Variants in ITSN1 observed in about 807,000 individuals in gnomAD.
ITSN1 encodes intersectin 1.
In ITSN1, 58 loss-of-function variants were observed where a neutral mutation model predicts 239.8. That is an observed-to-expected ratio of 0.24 (90% CI 0.20 to 0.30). ITSN1 has a LOEUF of 0.30. Ranked by LOEUF, ITSN1 falls within the 10% of genes least tolerant of loss-of-function variation. The probability of loss-of-function intolerance (pLI) is 1.00; values close to 1 mark genes in which losing one functional copy is unlikely to be tolerated. For synonymous variants in ITSN1, 780 were observed against 770.8 expected (o/e 1.01, Z -0.20); for missense variants, 1,558 against 2,103.3 (o/e 0.74, Z 5.07).
At chr21:33,868,482 C>T (rs943879635) in intron 33 of ITSN1, among the ~76,000 whole-genome samples, 60 of 152,348 alleles carry the variant, frequency 3.9e-4, no homozygotes, top group Admixed American at 1.2e-3. Flanking sequence ...AGCTAAGGCC[C>T]GCTGAGAAAT....
chr21:33,815,930 G>C (rs1260975685), intron 22 of ITSN1, among the ~76,000 whole-genome samples: 1 of 152,136 alleles, frequency 6.6e-6, no homozygotes. Context: ...GCTCATGCCT[G>C]TTATCGCAGC....
chr21:33,709,628 T>C (rs978145555), intron 1 of ITSN1, among the ~76,000 whole-genome samples: 5 of 152,214 alleles, frequency 3.3e-5, no homozygotes, highest in African/African-American at 1.2e-4. Flanking sequence ...ATTTTGATGC[T>C]ACTGTAAAAC....
At chr21:33,806,415 C>T (rs1417640588) in intron 20 of ITSN1, among the ~76,000 whole-genome samples, 1 of 152,220 alleles carries the variant, frequency 6.6e-6, no homozygotes, top group Non-Finnish European at 1.5e-5. Context: ...GGAATTTCTG[C>T]TTCCCCCCTT....
chr21:33,723,764 G>C (rs997350410), intron 4 of ITSN1, among the ~76,000 whole-genome samples: 8 of 152,202 alleles, frequency 5.3e-5, no homozygotes, highest in Admixed American at 6.5e-5. Flanking sequence ...AGTTTTGTGA[G>C]AGTTGTTGAG....
chr21:33,776,115 G>A (rs930969560), intron 14 of ITSN1, among the ~76,000 whole-genome samples: 1 of 152,108 alleles, frequency 6.6e-6, no homozygotes, highest in Non-Finnish European at 1.5e-5. Flanking sequence ...TTGATATTCA[G>A]GTTCTTTCCA....
At chr21:33,649,000 T>C (rs2088250688) in intron 1 of ITSN1, among the ~76,000 whole-genome samples, 1 of 152,218 alleles carries the variant, frequency 6.6e-6, no homozygotes, top group African/African-American at 2.4e-5. Flanking sequence ...TTTCCTAAAG[T>C]ACCCCTGCAT....
intron 7 of ITSN1, among the ~76,000 whole-genome samples, chr21:33,753,350 A>T (rs960298900): frequency 2.0e-5 from 3 of 152,170 alleles, no homozygotes; most frequent in Admixed American, 2.0e-4. Flanking sequence ...ATGTCTCAAG[A>T]TGGTGCATGA....
chr21:33,651,314 T>C (rs923537564), intron 1 of ITSN1, among the ~76,000 whole-genome samples: 1 of 152,150 alleles, frequency 6.6e-6, no homozygotes, highest in Non-Finnish European at 1.5e-5. Flanking sequence ...TGTTTAAAAA[T>C]CTCCTTCTGA....
chr21:33,790,669 T>C (rs772554340), intron 16 of ITSN1, among the ~76,000 whole-genome samples: 8 of 152,220 alleles, frequency 5.3e-5, no homozygotes, highest in Admixed American at 1.3e-4. Context: ...GTTTTCTTTC[T>C]GTTATAATAG....
intron 1 of ITSN1, among the ~76,000 whole-genome samples, chr21:33,706,564 A>G (rs565751617): frequency 3.8e-4 from 57 of 151,900 alleles, no homozygotes; most frequent in African/African-American, 1.0e-3. Context: ...AACATAGACT[A>G]TGCTTCACCC....
In ITSN1 at chr21:33,836,431, TC is replaced by T; in HGVS notation, c.3470-9del. On this transcript the variant is annotated splice_polypyrimidine_tract_variant and intron_variant, in intron 28 of 39. Coordinates refer to ENST00000381318, the MANE Select transcript of ITSN1 (RefSeq NM_003024.3). ...GTGTGCAGCCGCTCACCCAGCCCTG[TC>T]TCCTGCAGTGTGCCAGGTGATTGGG... is the stretch of plus-strand genomic sequence containing the variant. The T allele has an allele frequency of 6.3e-7, 1 of 1,584,802 alleles. No homozygotes were observed. Among genetic ancestry groups the T allele is most frequent in the Non-Finnish European group, 8.6e-7 (1 of 1,161,646 alleles).
intron 5 of ITSN1, among the ~76,000 whole-genome samples, chr21:33,740,464 A>G (rs1175598350): frequency 6.6e-6 from 1 of 152,188 alleles, no homozygotes; most frequent in African/African-American, 2.4e-5. Flanking sequence ...TTCAAGAAGG[A>G]GGGAATGCTC....
At chr21:33,652,335 T>G (rs922011704) in intron 1 of ITSN1, among the ~76,000 whole-genome samples, 8 of 152,118 alleles carry the variant, frequency 5.3e-5, no homozygotes, top group African/African-American at 1.9e-4. Flanking sequence ...GCCACACTTT[T>G]TATTGTTAAC....
chr21:33,722,680 C>T (rs779025038), intron 4 of ITSN1, 29 bp downstream of exon 4: 9 of 1,536,884 alleles, frequency 5.9e-6, no homozygotes, highest in Non-Finnish European at 7.8e-6. Flanking sequence ...TGAAATTTTA[C>T]ATAAGCATAA....
rs774079761 is a variant in ITSN1, at chr21:33,751,917, T to A, written c.623+11T>A. On this transcript the variant is annotated intron_variant, in intron 7 of 39. Transcript: ENST00000381318. ...ATTTGATGTGGCCAGGTAAGTTTGC[T>A]TGTTTTTAAATGGGAAGTTTGGTTA... 1 of 1,593,788 alleles carries A rather than the reference T, an allele frequency of 6.3e-7. No homozygotes were observed. The highest frequency in any genetic ancestry group is 8.6e-7 in the Non-Finnish European group (1 of 1,161,984).
chr21:33,808,180 C>T (rs1026067263), intron 20 of ITSN1, among the ~76,000 whole-genome samples: 10 of 148,974 alleles, frequency 6.7e-5, no homozygotes, highest in Non-Finnish European at 1.3e-4. Flanking sequence ...GGCGACAGAG[C>T]GAGACTCCGT....
At chr21:33,742,450 G>T (rs1160209097) in intron 5 of ITSN1, among the ~76,000 whole-genome samples, 1 of 152,226 alleles carries the variant, frequency 6.6e-6, no homozygotes, top group African/African-American at 2.4e-5. Flanking sequence ...GCAGGAGGAA[G>T]AGGGAAGAAT....
In ITSN1 at chr21:33,704,630, T is replaced by C. The variant is rs186674768; in HGVS notation, c.-32-14167T>C. Among the ~76,000 whole-genome samples, 15 of 152,302 alleles carry C rather than the reference T, an allele frequency of 9.8e-5. No homozygotes were observed. In the South Asian group the frequency reaches 1.2e-3, roughly 13 times the overall value. ...GGTGTACTTGCAAGCACTTAAACTT[T>C]CCATTCGTTATTATAAGCTATTACT... is the stretch of plus-strand genomic sequence containing the variant. On this transcript the variant is annotated intron_variant, in intron 1 of 39. Transcript: ENST00000381318.
chr21:33,697,681 TG>T (rs1324146846), intron 1 of ITSN1, among the ~76,000 whole-genome samples: 1 of 152,214 alleles, frequency 6.6e-6, no homozygotes, highest in Admixed American at 6.5e-5. Flanking sequence ...TCTCAATCAG[TG>T]GTTCTTAAAA....
Sources: gnomAD v4.1 joint callset for allele counts (sites outside exome capture counted in the v4.1 genomes callset) on GRCh38, gnomAD v4.1.1 for gene constraint, MANE v1.5 for transcripts, NCBI Gene and HGNC (gene_info 2026-07-23, HGNC 2026-07-21) for gene names.